The following TASOR variants were observed in gnomAD, a reference collection of about 807,000 sequenced individuals.
TASOR encodes the protein protein TASOR.
Under a neutral mutation model 178.6 loss-of-function variants are expected in TASOR, and 53 were observed. That is an observed-to-expected ratio of 0.30 (90% CI 0.24 to 0.37). The LOEUF (loss-of-function observed/expected upper bound fraction) is 0.37. TASOR is among the 10% of genes least tolerant of loss of function. The pLI, the probability that TASOR is intolerant of heterozygous loss-of-function variation, is 1.00. For missense variants in TASOR, 1,815 were observed against 1,971.4 expected (o/e 0.92, Z 1.50); for synonymous variants, 713 against 696.2 (o/e 1.02, Z -0.38).
chr3:56,644,437 G>A (rs1303585374), intron 14 of TASOR, among the ~76,000 whole-genome samples: 2 of 151,998 alleles, frequency 1.3e-5, no homozygotes, highest in East Asian at 3.9e-4. Context: ...AGGAGAATAT[G>A]AACTGCAAAG....
intron 11 of TASOR, among the ~76,000 whole-genome samples, chr3:56,656,696 G>A (rs1204417184): frequency 1.3e-5 from 2 of 151,376 alleles, no homozygotes; most frequent in Non-Finnish European, 2.9e-5. Flanking sequence ...CTAGTATCCA[G>A]AAAATTCTAA....
chr3:56,663,695 G>C, intron 7 of TASOR, 123 bp from the exon 8 acceptor site: 1 of 1,095,670 alleles, frequency 9.1e-7, no homozygotes, highest in Non-Finnish European at 1.1e-6. Context: ...CCTCCAGGTA[G>C]GAAGAACAAA....
intron 17 of TASOR, 85 bp from the exon 18 acceptor site, chr3:56,634,051 G>C (rs2076969580): frequency 1.9e-6 from 2 of 1,075,834 alleles, no homozygotes; most frequent in Non-Finnish European, 2.6e-6. Context: ...GGGAAAAAAG[G>C]GTTAACACAC....
chr3:56,664,507 C>T (rs957810633), intron 7 of TASOR, among the ~76,000 whole-genome samples: 6 of 152,068 alleles, frequency 3.9e-5, no homozygotes, highest in African/African-American at 7.2e-5. Context: ...TAGATGGTTT[C>T]CAAGGATTAT....
At position 56,638,112 on chromosome 3, in the gene TASOR, C is replaced by T. The variant is rs554996428; in HGVS notation, c.2824+594G>A. On this transcript the variant is annotated intron_variant, in intron 17 of 23. Transcript: ENST00000683822. ...AGGTTTGGGGGCTCAAGCCTGTAAT[C>T]CCAGCACTTTGGGAGGCTGAAGCAG... Among the ~76,000 whole-genome samples, 3 of 152,262 alleles carry T rather than the reference C, an allele frequency of 2.0e-5. No individual in the cohort carries two copies. In the East Asian group the frequency reaches 5.8e-4, roughly 29 times the overall value.
chr3:56,648,680 T>C (rs1043359128), intron 13 of TASOR, 142 bp downstream of exon 13: 3 of 437,572 alleles, frequency 6.9e-6, no homozygotes, highest in Non-Finnish European at 1.2e-5. Context: ...ATTTGTGTCT[T>C]ATATTGCTAA....
At chr3:56,627,463 A>T in intron 20 of TASOR, 119 bp downstream of exon 20, 1 of 1,114,714 alleles carries the variant, frequency 9.0e-7, no homozygotes, top group Non-Finnish European at 1.3e-6. Flanking sequence ...GAGGTAATAA[A>T]AGCTCAAGAA....
intron 17 of TASOR, among the ~76,000 whole-genome samples, chr3:56,636,922 C>T (rs1364652698): frequency 1.3e-5 from 2 of 151,820 alleles, no homozygotes; most frequent in Non-Finnish European, 2.9e-5. Flanking sequence ...ACCTGTAATC[C>T]CAACACTTTG....
intron 1 of TASOR, among the ~76,000 whole-genome samples, chr3:56,678,437 T>A (rs1021766998): frequency 6.6e-6 from 1 of 151,834 alleles, no homozygotes; most frequent in South Asian, 2.1e-4. Context: ...CACCTCGGCC[T>A]CTCAAAGTGC....
chr3:56,633,006 G>GT lies in TASOR; in HGVS notation c.3747+37dup, dbSNP rs760433017. On this transcript the variant is annotated intron_variant, in intron 18 of 23. Transcript: ENST00000683822. ...TATAGAGGTCACACCAACAAGAGAA[G>GT]TTTGTACAGCATTACTATTACCTTC... The GT allele has an allele frequency of 1.8e-5, 26 of 1,457,740 alleles. No homozygotes were observed. In the South Asian group the frequency reaches 3.6e-4, roughly 20 times the overall value. The allele number at this position is 1,457,740 out of a possible 1,614,324, so 90.3% of individuals were successfully genotyped here.
chr3:56,666,274 A>C lies in TASOR; in HGVS notation c.1008T>G (p.Phe336Leu), dbSNP rs1238521376. The change falls in exon 7 of 24, where the codon TTT becomes TTG. Residue 336 changes from phenylalanine (F) to leucine (L), a missense_variant. By Grantham distance (22) the Phe-to-Leu change is conservative (BLOSUM62 0). Around this residue, in one of 5 missense-constraint regions of TASOR, gnomAD observed 504 missense variants for 645.3 expected, o/e 0.78. Transcript: ENST00000683822. ...TYKDDIQTPK[F>L]VPSSRSNSFN... is the part of the protein sequence containing the mutation. ...CTAAGTCTTACCTTGATGAAGGTAC[A>C]AACTTCGGAGTTTGTATATCATCTT... 6.5e-6 allele frequency: 10 copies of C among 1,539,878 alleles called. No individual in the cohort carries two copies. In the Admixed American group the frequency reaches 2.0e-4, roughly 31 times the overall value.
chr3:56,678,241 G>T (rs975247646), intron 1 of TASOR, among the ~76,000 whole-genome samples: 1 of 145,774 alleles, frequency 6.9e-6, no homozygotes, highest in East Asian at 2.0e-4. Flanking sequence ...GAGTGCAGTG[G>T]CGCGATCTTG....
intron 1 of TASOR, among the ~76,000 whole-genome samples, chr3:56,677,003 CT>C (rs1451332514): frequency 8.5e-5 from 13 of 152,290 alleles, no homozygotes; most frequent in African/African-American, 3.1e-4. Context: ...CTCATTTTTT[CT>C]GGTGATAATT....
At position 56,623,459 on chromosome 3, in the gene TASOR, T is replaced by C; in HGVS notation, c.4591A>G (p.Lys1531Glu). Reference protein sequence around the residue: ...CSNFHSEIWEKETKGSRGTDQ... With the variant: ...CSNFHSEIWEEETKGSRGTDQ... The stretch of plus-strand genomic sequence containing the variant: ...GTTCCACGTGATCCTTTGGTCTCTT[T>C]CTCCCATATTTCTGAATGAAAATTG... Residue 1531 changes from lysine (K) to glutamate (E), a missense_variant, in exon 24 of 24, where the codon AAA becomes GAA. Lys to Glu is a moderately conservative substitution (Grantham distance 56). Around this residue, in one of 5 missense-constraint regions of TASOR, gnomAD observed 278 missense variants for 257.1 expected, o/e 1.08. Coordinates refer to ENST00000683822, the MANE Select transcript of TASOR (RefSeq NM_001365635.2). 6.2e-7 allele frequency: 1 copy of C among 1,613,600 alleles called. No individual in the cohort carries two copies. Among genetic ancestry groups the C allele is most frequent in the African/African-American group, 1.3e-5 (1 of 75,036 alleles).
chr3:56,644,115 T>C (rs1397965937), intron 14 of TASOR, among the ~76,000 whole-genome samples: 2 of 152,228 alleles, frequency 1.3e-5, no homozygotes, highest in Non-Finnish European at 2.9e-5. Flanking sequence ...AGCAGTTTGT[T>C]GTCAACAATG....
Position 56,625,015 on chromosome 3 carries a change from T to G in TASOR, c.4140-9A>C. 4 of 1,611,792 alleles carry G rather than the reference T, an allele frequency of 2.5e-6. No individual in the cohort carries two copies. The highest frequency in any genetic ancestry group is 3.4e-6 in the Non-Finnish European group (4 of 1,179,002). On this transcript the variant is annotated splice_polypyrimidine_tract_variant and intron_variant, in intron 21 of 23. Coordinates refer to ENST00000683822, the MANE Select transcript of TASOR (RefSeq NM_001365635.2). ...GAGCTTTAGCATTCAATCTGTGAAA[T>G]TAAGCAGTTCAGTTTCTGGATCTGT...
Position 56,663,829 on chromosome 3 carries a change from C to T in TASOR, c.1023-257G>A, listed in dbSNP as rs9809117. ...AGTTGTTTTTTCCAAAAATATTAAC[C>T]AAGAGAGAACAGTGTCCACCAAAGT... On this transcript the variant is annotated intron_variant, in intron 7 of 23. Coordinates refer to ENST00000683822, the MANE Select transcript of TASOR (RefSeq NM_001365635.2). The T allele has an allele frequency of 0.12, 120,937 of 1,002,714 alleles. 9,858 individuals are homozygous for T. Among genetic ancestry groups the T allele is most frequent in the South Asian group, 0.38 (8,750 of 22,786 alleles). The allele number at this position is 1,002,714 out of a possible 1,614,324, so 62.1% of individuals were successfully genotyped here. A position where few individuals can be genotyped will look rare whatever the true frequency, so the allele number is the denominator to read the frequency against.
chr3:56,658,882 C>T (rs2077529420), intron 11 of TASOR, among the ~76,000 whole-genome samples: 1 of 151,396 alleles, frequency 6.6e-6, no homozygotes. Context: ...CCACTGCGCT[C>T]CAGCCTGGGC....
At position 56,623,040 on chromosome 3, in the gene TASOR, T is replaced by C. The variant is rs750474385; in HGVS notation, c.5010A>G (p.Lys1670=). 9 of 1,531,192 alleles carry C rather than the reference T, an allele frequency of 5.9e-6. No individual in the cohort carries two copies. Among genetic ancestry groups the C allele is most frequent in the Non-Finnish European group, 7.9e-6 (9 of 1,142,752 alleles). 94.9% of individuals were successfully genotyped at this position (1,531,192 alleles called of 1,614,324 possible). A position where few individuals can be genotyped will look rare whatever the true frequency, so the allele number is the denominator to read the frequency against. The stretch of plus-strand genomic sequence containing the variant: ...CTTAAAAAAAAAGTTACTACAGTTA[T>C]TTCTCTTGTGAATATGGCCTGGAAG... The part of the protein sequence containing the change: ...SDSSRPYSQE[K] Residue 1670 remains lysine, a synonymous_variant, in exon 24 of 24, where the codon AAA becomes AAG. Transcript: ENST00000683822.
Sources: gnomAD v4.1 joint callset for allele counts (sites outside exome capture counted in the v4.1 genomes callset) on GRCh38, gnomAD v4.1.1 for gene constraint, gnomAD v4.1.1 regional missense constraint, MANE v1.5 for transcripts, NCBI Gene and HGNC (gene_info 2026-07-23, HGNC 2026-07-21) for gene names.